The following ADAMTS9 variants were observed in gnomAD, a reference collection of about 807,000 sequenced individuals.
The protein encoded by ADAMTS9 is A disintegrin and metalloproteinase with thrombospondin motifs 9.
ADAMTS9 carries 107 observed loss-of-function variants against 257.1 expected under a neutral mutation model. That is an observed-to-expected ratio of 0.42 (90% CI 0.36 to 0.49). ADAMTS9 has a LOEUF of 0.49. Ranked by LOEUF, ADAMTS9 falls within the 20% of genes least tolerant of loss-of-function variation. The probability of loss-of-function intolerance (pLI) is 0.03; values close to 1 mark genes in which losing one functional copy is unlikely to be tolerated. For missense variants in ADAMTS9, 2,353 were observed against 2,469.1 expected (o/e 0.95, Z 1.00); for synonymous variants, 982 against 880.9 (o/e 1.11, Z -2.03).
At chr3:64,633,649 C>A in intron 13 of ADAMTS9, 41 bp from the exon 14 acceptor site, 1 of 1,613,916 alleles carries the variant, frequency 6.2e-7, no homozygotes. Context: ...TTGTGCCTGG[C>A]CTCAGTGCCG....
intron 39 of ADAMTS9, among the ~76,000 whole-genome samples, chr3:64,520,900 G>T (rs2082843630): frequency 6.6e-6 from 1 of 152,004 alleles, no homozygotes; most frequent in South Asian, 2.1e-4. Context: ...AACAAATTAT[G>T]ACTAAGTCCT....
intron 39 of ADAMTS9, among the ~76,000 whole-genome samples, chr3:64,518,916 T>C (rs1043787745): frequency 5.9e-5 from 9 of 151,928 alleles, no homozygotes; most frequent in Admixed American, 5.2e-4. Context: ...TAGCTAGGAC[T>C]ACAGGCATGT....
chr3:64,579,212 T>C (rs965100000), intron 28 of ADAMTS9, among the ~76,000 whole-genome samples: 12 of 152,196 alleles, frequency 7.9e-5, no homozygotes, highest in African/African-American at 2.4e-4. Context: ...TTAGTCTCTT[T>C]GGTATCACTA....
chr3:64,599,821 G>A (rs1480960309), intron 26 of ADAMTS9, among the ~76,000 whole-genome samples: 1 of 152,166 alleles, frequency 6.6e-6, no homozygotes, highest in Non-Finnish European at 1.5e-5. Flanking sequence ...AGAGCCATGT[G>A]CACTTATTTA....
chr3:64,571,581 G>C lies in ADAMTS9; in HGVS notation c.4357-3046C>G, dbSNP rs1177607826. The stretch of plus-strand genomic sequence containing the variant: ...CTACCCATTCCAGGGTTTTGTTTTT[G>C]TTTTTAAATTTGGGGACTTGACTGG... On this transcript the variant is annotated intron_variant, in intron 28 of 39. Coordinates refer to ENST00000498707, the MANE Select transcript of ADAMTS9 (RefSeq NM_182920.2). Among the ~76,000 whole-genome samples, 6 of 152,030 alleles carry C rather than the reference G, an allele frequency of 3.9e-5. No homozygotes were observed. In the East Asian group the frequency reaches 1.2e-3, roughly 29 times the overall value.
At chr3:64,573,339 C>A (rs1288340342) in intron 28 of ADAMTS9, among the ~76,000 whole-genome samples, 1 of 152,060 alleles carries the variant, frequency 6.6e-6, no homozygotes, top group African/African-American at 2.4e-5. Flanking sequence ...GGGGTGCTGA[C>A]CAACTAGTCC....
chr3:64,607,934 C>T (rs550517249), intron 22 of ADAMTS9, among the ~76,000 whole-genome samples: 1 of 152,010 alleles, frequency 6.6e-6, no homozygotes, highest in East Asian at 1.9e-4. Context: ...GAATGAGATC[C>T]CACAAGCACA....
At chr3:64,608,137 A>G (rs1273315319) in intron 22 of ADAMTS9, among the ~76,000 whole-genome samples, 1 of 151,378 alleles carries the variant, frequency 6.6e-6, no homozygotes, top group African/African-American at 2.4e-5. Flanking sequence ...CAATGTTCAC[A>G]GGAAATCTAT....
chr3:64,536,859 C>T (rs1440802002), intron 37 of ADAMTS9, among the ~76,000 whole-genome samples: 1 of 152,166 alleles, frequency 6.6e-6, no homozygotes, highest in East Asian at 1.9e-4. Context: ...AAGATGAGGG[C>T]TGTCGGGGAA....
At chr3:64,601,880 T>C (rs1671990040) in intron 26 of ADAMTS9, 64 bp downstream of exon 26, 2 of 1,512,948 alleles carry the variant, frequency 1.3e-6, no homozygotes, top group African/African-American at 1.4e-5. Context: ...GTGTTTCTAG[T>C]CTCTTTTACC....
intron 38 of ADAMTS9, among the ~76,000 whole-genome samples, chr3:64,530,650 C>T (rs1016507321): frequency 2.6e-5 from 4 of 151,978 alleles, no homozygotes; most frequent in South Asian, 4.2e-4. Flanking sequence ...CATAAGGTGG[C>T]GCTCCTGGCT....
At position 64,686,214 on chromosome 3, in the gene ADAMTS9, C is replaced by T. The variant is rs1216294466; in HGVS notation, c.516+354G>A. ...GCCCTGCGCTCAGCGGCTCCGCTCC[C>T]GGGTGGCCAAGTTTGCTGCAGGGAA... On this transcript the variant is annotated intron_variant, in intron 2 of 39. Coordinates refer to ENST00000498707, the MANE Select transcript of ADAMTS9 (RefSeq NM_182920.2). This position sits in a 1 kb window ranked among gnomAD's most constrained non-coding sequence, Gnocchi z 4.6. Among the ~76,000 whole-genome samples the T allele has an allele frequency of 1.3e-5, 2 of 152,256 alleles. No individual in the cohort carries two copies.
intron 22 of ADAMTS9, among the ~76,000 whole-genome samples, chr3:64,609,681 A>G (rs968175194): frequency 6.6e-6 from 1 of 152,220 alleles, no homozygotes; most frequent in African/African-American, 2.4e-5. Context: ...TAAAAGATTT[A>G]GTATTGCTAA....
At chr3:64,658,080 G>A (rs1466718031) in intron 4 of ADAMTS9, among the ~76,000 whole-genome samples, 1 of 152,110 alleles carries the variant, frequency 6.6e-6, no homozygotes, top group Non-Finnish European at 1.5e-5. Context: ...AAGTTCCTAA[G>A]TGAGGCAAAA....
intron 19 of ADAMTS9, among the ~76,000 whole-genome samples, chr3:64,618,368 T>G (rs1437018515): frequency 2.6e-5 from 4 of 152,180 alleles, no homozygotes; most frequent in African/African-American, 9.7e-5. Context: ...GTCAAAAAAA[T>G]AGTGACTTTC....
At position 64,658,594 on chromosome 3, in the gene ADAMTS9, G is replaced by A. The variant is rs760156653; in HGVS notation, c.877C>T (p.Arg293Trp). 5.0e-6 allele frequency: 8 copies of A among 1,613,884 alleles called. No individual in the cohort carries two copies. Among genetic ancestry groups the A allele is most frequent in the South Asian group, 3.3e-5 (3 of 91,066 alleles). ...RRTKRFLSYP[R>W]FVEVLVVADN... ...GCCACCACCAAGACTTCTACAAACC[G>A]TGGATAGGATAAAAAACGTTTTGTC... Residue 293 changes from arginine (R) to tryptophan (W), a missense_variant, in exon 4 of 40, where the codon CGG becomes TGG. This residue lies in a region of ADAMTS9 where 591 missense variants were observed against 569.6 expected (regional missense o/e 1.04). Transcript: ENST00000498707.
chr3:64,657,037 G>A (rs568033479), intron 4 of ADAMTS9, among the ~76,000 whole-genome samples: 1 of 151,990 alleles, frequency 6.6e-6, no homozygotes, highest in East Asian at 1.9e-4. Context: ...ATCTCGAATC[G>A]TTCAAAAAAA....
At chr3:64,520,311 C>T (rs944838259) in intron 39 of ADAMTS9, among the ~76,000 whole-genome samples, 1 of 152,144 alleles carries the variant, frequency 6.6e-6, no homozygotes, top group African/African-American at 2.4e-5. Context: ...AATAGAAAAA[C>T]GTTCCATGCT....
At chr3:64,611,422 C>G (rs1341779001) in intron 22 of ADAMTS9, among the ~76,000 whole-genome samples, 5 of 152,110 alleles carry the variant, frequency 3.3e-5, no homozygotes, top group Non-Finnish European at 7.4e-5. Context: ...TATGAAATGT[C>G]CAGAATACGT....
Sources: allele counts gnomAD v4.1 joint callset (sites outside exome capture counted in the v4.1 genomes callset), GRCh38; gene constraint gnomAD v4.1.1; regional missense constraint gnomAD v4.1.1; non-coding constraint Gnocchi (gnomAD v3.1); transcripts MANE v1.5; gene names NCBI Gene and HGNC (gene_info 2026-07-23, HGNC 2026-07-21).